The following ROBO1 variants were observed in gnomAD, a reference collection of about 807,000 sequenced individuals.
ROBO1 encodes the protein roundabout homolog 1.
A neutral mutation model predicts 195.9 loss-of-function variants in ROBO1; 149 were observed. The ratio of observed to expected loss-of-function variants is 0.76; its 90% confidence interval spans 0.67 to 0.87. The LOEUF (loss-of-function observed/expected upper bound fraction) is 0.87, where lower values mean the gene tolerates loss of function less well. Ranked by LOEUF, ROBO1 falls within the 40% of genes least tolerant of loss-of-function variation. The pLI is 0.00. For synonymous variants in ROBO1, 816 were observed against 733.2 expected, an observed-to-expected ratio of 1.11 and a Z score of -1.82; for missense variants, 1,933 against 2,068.3, an observed-to-expected ratio of 0.93 and a Z score of 1.27.
chr3:79,037,826 G>T (rs2078407468), intron 3 of ROBO1, among the ~76,000 whole-genome samples: 1 of 152,034 alleles, frequency 6.6e-6, no homozygotes, highest in African/African-American at 2.4e-5. Context: ...AGTTTATTAC[G>T]AACGGGAACT....
chr3:78,678,482 A>G (rs1004798248), intron 10 of ROBO1, among the ~76,000 whole-genome samples: 1 of 152,230 alleles, frequency 6.6e-6, no homozygotes, highest in Admixed American at 6.5e-5. Context: ...ATAAAAAATG[A>G]TAAAGGGGAT....
chr3:79,478,939 A>T (rs116748200), intron 2 of ROBO1, among the ~76,000 whole-genome samples: 6,856 of 152,292 alleles, frequency 0.045, 408 homozygotes, highest in African/African-American at 0.14. Context: ...TACAAATAAA[A>T]AACAACAACA....
chr3:79,577,736 AC>A (rs1233310955), intron 2 of ROBO1, among the ~76,000 whole-genome samples: 34 of 117,052 alleles, frequency 2.9e-4, no homozygotes, highest in South Asian at 2.2e-3. Flanking sequence ...ACACACACAC[AC>A]ACACACACAC....
At position 78,928,324 on chromosome 3, in the gene ROBO1, TAAG is replaced by T. The variant is rs1576414724; in HGVS notation, c.499+10274_499+10276del. 1.1e-4 allele frequency among the ~76,000 whole-genome samples: 16 copies of T among 152,204 alleles called. No individual in the cohort carries two copies. The South Asian group carries it at 3.3e-3, about 32-fold the overall frequency. On this transcript the variant is annotated intron_variant, in intron 4 of 30. Coordinates refer to ENST00000464233, the MANE Select transcript of ROBO1 (RefSeq NM_002941.4). ...ACAAAACGCCTTCTAGAACAGTTCA[TAAG>T]AAATGTATTGATTAGAACTCTGAGG...
chr3:79,034,983 T>G (rs948678998), intron 3 of ROBO1, among the ~76,000 whole-genome samples: 2 of 152,126 alleles, frequency 1.3e-5, no homozygotes, highest in Admixed American at 1.3e-4. Flanking sequence ...CCATACTATT[T>G]AAGTTTTACA....
intron 18 of ROBO1, among the ~76,000 whole-genome samples, chr3:78,655,327 G>A (rs1559701900): frequency 6.6e-6 from 1 of 152,090 alleles, no homozygotes; most frequent in Non-Finnish European, 1.5e-5. Context: ...ACTTAGTTTT[G>A]AGGTTACCCC....
chr3:79,766,804 C>A (rs993980189), intron 1 of ROBO1, among the ~76,000 whole-genome samples: 1 of 152,092 alleles, frequency 6.6e-6, no homozygotes, highest in African/African-American at 2.4e-5. Context: ...CAGAAGGGCA[C>A]GGCGTTTCAT....
chr3:79,287,430 T>A (rs559250038), intron 2 of ROBO1, among the ~76,000 whole-genome samples: 11 of 152,294 alleles, frequency 7.2e-5, no homozygotes, highest in Middle Eastern at 3.4e-3. Context: ...TTACTTTCTA[T>A]CACTGTATAT....
chr3:78,999,539 C>T (rs551580830), intron 3 of ROBO1, among the ~76,000 whole-genome samples: 1 of 151,992 alleles, frequency 6.6e-6, no homozygotes. Context: ...TCAGTGACTG[C>T]CAGAGGGGAA....
chr3:79,687,277 TA>T (rs1168652216), intron 1 of ROBO1, among the ~76,000 whole-genome samples: 1 of 28,922 alleles, frequency 3.5e-5, no homozygotes, highest in East Asian at 9.0e-4. Flanking sequence ...GAAGAAAACC[TA>T]AACCTAAGCA....
At chr3:78,982,035 T>C (rs1251343613) in intron 3 of ROBO1, among the ~76,000 whole-genome samples, 1 of 151,880 alleles carries the variant, frequency 6.6e-6, no homozygotes, top group African/African-American at 2.4e-5. Flanking sequence ...CTCCCAGAGG[T>C]TACCTGGGAG....
At chr3:79,208,306 A>G (rs1441983687) in intron 2 of ROBO1, among the ~76,000 whole-genome samples, 1 of 152,148 alleles carries the variant, frequency 6.6e-6, no homozygotes, top group African/African-American at 2.4e-5. Flanking sequence ...GCTTCCTTCC[A>G]TCCTTTTTAT....
At chr3:78,766,878 T>C (rs963417683) in intron 4 of ROBO1, among the ~76,000 whole-genome samples, 3 of 152,180 alleles carry the variant, frequency 2.0e-5, no homozygotes, top group African/African-American at 7.2e-5. Flanking sequence ...GAGATGATCA[T>C]TTGATTTTTA....
intron 1 of ROBO1, among the ~76,000 whole-genome samples, chr3:79,595,411 A>T (rs1452751645): frequency 1.3e-5 from 2 of 152,094 alleles, no homozygotes; most frequent in East Asian, 1.9e-4. Context: ...AAAATTTATC[A>T]GTGCACGACA....
At chr3:78,881,429 G>A (rs982884492) in intron 4 of ROBO1, among the ~76,000 whole-genome samples, 1 of 152,100 alleles carries the variant, frequency 6.6e-6, no homozygotes, top group African/African-American at 2.4e-5. Context: ...TTTATATCTG[G>A]CACTAAAAAA....
chr3:79,077,612 G>A (rs572932747), intron 3 of ROBO1, among the ~76,000 whole-genome samples: 41 of 151,790 alleles, frequency 2.7e-4, no homozygotes, highest in Admixed American at 2.1e-3. Flanking sequence ...TATATTGTCA[G>A]GCAAGAAATA....
rs1167482550 is a variant in ROBO1, at chr3:79,412,874, A to ATTTTTTTTTTTTTTT, written c.88+176935_88+176949dup. Among the ~76,000 whole-genome samples, 16 of 38,346 alleles carry ATTTTTTTTTTTTTTT rather than the reference A, an allele frequency of 4.2e-4. 2 individuals are homozygous for ATTTTTTTTTTTTTTT. Among genetic ancestry groups the ATTTTTTTTTTTTTTT allele is most frequent in the African/African-American group, 1.1e-3 (9 of 8,184 alleles). 25.2% of individuals were successfully genotyped at this position (38,346 alleles called of 152,430 possible). ...AATGATTTTATTGCCTCATGAGCTG[A>ATTTTTTTTTTTTTTT]TTTTTTTTTTTTTTTTTTTTTTTTT... On this transcript the variant is annotated intron_variant, in intron 2 of 30. Coordinates refer to ENST00000464233, the MANE Select transcript of ROBO1 (RefSeq NM_002941.4).
At chr3:78,946,003 C>T (rs535972799) in intron 3 of ROBO1, among the ~76,000 whole-genome samples, 4 of 151,936 alleles carry the variant, frequency 2.6e-5, no homozygotes, top group African/African-American at 9.6e-5. Context: ...ACAAAGCCTC[C>T]AAGAAATATA....
At chr3:78,929,664 G>A (rs2039404515) in intron 4 of ROBO1, among the ~76,000 whole-genome samples, 1 of 151,582 alleles carries the variant, frequency 6.6e-6, no homozygotes, top group African/African-American at 2.4e-5. Context: ...CACCACGCCC[G>A]GCTAATTTTT....
Sources: gnomAD v4.1 joint callset for allele counts (sites outside exome capture counted in the v4.1 genomes callset) on GRCh38, gnomAD v4.1.1 for gene constraint, MANE v1.5 for transcripts, NCBI Gene and HGNC (gene_info 2026-07-23, HGNC 2026-07-21) for gene names.